The following ADGRL2 variants were observed in gnomAD, a reference collection of about 807,000 sequenced individuals.
The protein encoded by ADGRL2 is adhesion G protein-coupled receptor L2, also known as calcium-independent alpha-latrotoxin receptor 2.
Under a neutral mutation model 157.4 loss-of-function variants are expected in ADGRL2, and 44 were observed. The observed-to-expected ratio is 0.28, with a 90% CI of 0.22 to 0.36. ADGRL2 has a LOEUF of 0.36. Ranked by LOEUF, ADGRL2 falls within the 10% of genes least tolerant of loss-of-function variation. The probability of loss-of-function intolerance (pLI) is 1.00; values close to 1 mark genes in which losing one functional copy is unlikely to be tolerated. For missense variants in ADGRL2, 1,510 were observed against 1,768.9 expected (o/e 0.85, Z 2.63); for synonymous variants, 585 against 624.7 (o/e 0.94, Z 0.95).
chr1:81,407,284 C>G (rs1257749043), intron 1 of ADGRL2, among the ~76,000 whole-genome samples: 3 of 152,196 alleles, frequency 2.0e-5, no homozygotes. Context: ...CCTCCTGGAT[C>G]CGGAGGTCAG....
intron 3 of ADGRL2, among the ~76,000 whole-genome samples, chr1:81,655,504 C>CT (rs1402707806): frequency 6.6e-6 from 1 of 152,172 alleles, no homozygotes; most frequent in African/African-American, 2.4e-5. Flanking sequence ...ATCTCTCCTA[C>CT]TTTCTACACG....
chr1:81,518,300 C>T (rs925915214), intron 2 of ADGRL2, among the ~76,000 whole-genome samples: 2 of 152,270 alleles, frequency 1.3e-5, no homozygotes, highest in Non-Finnish European at 2.9e-5. Flanking sequence ...TCTCTTTAGT[C>T]CTCATCGTGT....
chr1:81,440,910 T>A (rs1468242556), intron 1 of ADGRL2, among the ~76,000 whole-genome samples: 2 of 152,218 alleles, frequency 1.3e-5, no homozygotes, highest in African/African-American at 4.8e-5. Context: ...CTCATTAATC[T>A]CTTTCTTGTC....
Position 81,899,123 on chromosome 1 carries a change from G to A in ADGRL2, c.74-7894G>A, listed in dbSNP as rs570951381. ...AAAGTTGAATTCTTTATAGTACAGC[G>A]TAGTAAGAACACTTTTATGGGAATG... On this transcript the variant is annotated intron_variant, in intron 2 of 23. Transcript: ENST00000686636. 5.3e-5 allele frequency among the ~76,000 whole-genome samples: 8 copies of A among 152,224 alleles called. No individual in the cohort carries two copies. The East Asian group carries it at 5.8e-4, about 11-fold the overall frequency.
intron 1 of ADGRL2, among the ~76,000 whole-genome samples, chr1:81,340,384 T>A (rs781046220): frequency 3.7e-4 from 57 of 152,258 alleles, no homozygotes; most frequent in Middle Eastern, 6.8e-3. Context: ...TTGCCCAACT[T>A]GTGCTTGCCC....
chr1:81,885,547 A>G (rs550189760), intron 2 of ADGRL2, among the ~76,000 whole-genome samples: 46 of 152,302 alleles, frequency 3.0e-4, no homozygotes, highest in Non-Finnish European at 5.1e-4. Context: ...CCTTTAATTC[A>G]GCATTTGTAT....
chr1:81,792,178 A>C (rs1360964036), intron 2 of ADGRL2, among the ~76,000 whole-genome samples: 1 of 152,162 alleles, frequency 6.6e-6, no homozygotes, highest in East Asian at 1.9e-4. Flanking sequence ...ATTTTGAAAA[A>C]TATGTCAGCC....
chr1:81,462,264 A>C (rs1248317279), intron 2 of ADGRL2, among the ~76,000 whole-genome samples: 1 of 152,170 alleles, frequency 6.6e-6, no homozygotes, highest in African/African-American at 2.4e-5. Flanking sequence ...CAAATAAGAG[A>C]ATAAGAGCTG....
chr1:81,488,881 A>G (rs1313651094), intron 2 of ADGRL2, among the ~76,000 whole-genome samples: 1 of 152,204 alleles, frequency 6.6e-6, no homozygotes, highest in Non-Finnish European at 1.5e-5. Flanking sequence ...AAAAAACTGA[A>G]TTAAGATAAA....
At chr1:81,438,035 TG>T (rs1310168403) in intron 1 of ADGRL2, among the ~76,000 whole-genome samples, 4 of 102,920 alleles carry the variant, frequency 3.9e-5, no homozygotes, top group African/African-American at 8.6e-5. Context: ...TCAGCCTGTT[TG>T]GGGAAAAAAA....
intron 3 of ADGRL2, among the ~76,000 whole-genome samples, chr1:81,924,395 AG>A (rs1222771548): frequency 3.9e-5 from 6 of 152,138 alleles, no homozygotes; most frequent in African/African-American, 1.4e-4. Context: ...CTAGTGTGCT[AG>A]CTGTTTTAAA....
chr1:81,469,109 A>G (rs1356975711), intron 2 of ADGRL2, among the ~76,000 whole-genome samples: 2 of 152,204 alleles, frequency 1.3e-5, no homozygotes, highest in African/African-American at 4.8e-5. Context: ...ACTTTCCTGC[A>G]ATTGGAATCA....
chr1:81,562,045 A>T (rs1344580440), intron 2 of ADGRL2, among the ~76,000 whole-genome samples: 2 of 152,220 alleles, frequency 1.3e-5, no homozygotes, highest in African/African-American at 4.8e-5. Context: ...CTAATTTTTA[A>T]GGTAAAAGAC....
At chr1:81,723,164 C>T in intron 1 of ADGRL2, 1 of 567,760 alleles carries the variant, frequency 1.8e-6, no homozygotes, top group South Asian at 2.1e-5. Flanking sequence ...TACCTCTGAC[C>T]TTCTCATCAA....
intron 2 of ADGRL2, among the ~76,000 whole-genome samples, chr1:81,546,971 G>A (rs1245513692): frequency 1.3e-5 from 2 of 152,162 alleles, no homozygotes; most frequent in Admixed American, 1.3e-4. Context: ...AATTCTTACA[G>A]TGTTTCAGGG....
At chr1:81,330,599 A>C (rs1028135971) in intron 1 of ADGRL2, among the ~76,000 whole-genome samples, 1 of 152,160 alleles carries the variant, frequency 6.6e-6, no homozygotes, top group Non-Finnish European at 1.5e-5. Context: ...GAATATCTTT[A>C]TAATTCAGCC....
chr1:81,840,953 G>C (rs1025823558), intron 2 of ADGRL2, among the ~76,000 whole-genome samples: 1 of 152,122 alleles, frequency 6.6e-6, no homozygotes, highest in African/African-American at 2.4e-5. Flanking sequence ...TCATGTATCA[G>C]TAAGTAGAAA....
chr1:81,970,748 CT>C (rs900640312), intron 16 of ADGRL2, among the ~76,000 whole-genome samples: 2 of 152,108 alleles, frequency 1.3e-5, no homozygotes, highest in African/African-American at 4.8e-5. Flanking sequence ...AAATTATGGA[CT>C]TTCTTTTTAA....
chr1:81,778,124 T>G (rs1020875632), intron 2 of ADGRL2, among the ~76,000 whole-genome samples: 3 of 152,002 alleles, frequency 2.0e-5, no homozygotes, highest in African/African-American at 4.8e-5. Context: ...ATGGAGACCA[T>G]TTTGGCTAAC....
Sources: gnomAD v4.1 joint callset for allele counts (sites outside exome capture counted in the v4.1 genomes callset) on GRCh38, gnomAD v4.1.1 for gene constraint, MANE v1.5 for transcripts, NCBI Gene and HGNC (gene_info 2026-07-23, HGNC 2026-07-21) for gene names.